The following AMMECR1 variants were observed in gnomAD, a reference collection of about 807,000 sequenced individuals.
The protein encoded by AMMECR1 is nuclear protein AMMECR1.
A neutral mutation model predicts 22.5 loss-of-function variants in AMMECR1; 3 were observed. That is an observed-to-expected ratio of 0.13 (90% confidence interval 0.06 to 0.35). The LOEUF (loss-of-function observed/expected upper bound fraction) is 0.35, where lower values mean the gene tolerates loss of function less well. AMMECR1 is among the 10% of genes least tolerant of loss of function. AMMECR1 has a pLI of 1.00. For missense variants in AMMECR1, 235 were observed against 278.7 expected, an observed-to-expected ratio of 0.84 and a Z score of 1.12; for synonymous variants, 130 against 116.7, an observed-to-expected ratio of 1.11 and a Z score of -0.74.
intron 1 of AMMECR1, among the ~76,000 whole-genome samples, chrX:110,314,760 C>A (rs886535399): frequency 1.2e-4 from 13 of 112,194 alleles, no homozygotes; most frequent in Admixed American, 4.7e-4. Context: ...CTTGCCTGTA[C>A]AATGCTTTCT....
chrX:110,423,184 C>T (rs1354829309), intron 2 of AMMECR1, among the ~76,000 whole-genome samples: 4 of 110,826 alleles, frequency 3.6e-5, no homozygotes, highest in Non-Finnish European at 5.7e-5. Flanking sequence ...AAAAATTAGC[C>T]GGGGGTGGTG....
chrX:110,364,681 T>C (rs1482754630), intron 2 of AMMECR1, among the ~76,000 whole-genome samples: 6 of 111,783 alleles, frequency 5.4e-5, no homozygotes, highest in Non-Finnish European at 9.4e-5. Flanking sequence ...AGCTGATGAA[T>C]GGATCCTGAA....
chrX:110,356,600 T>C (rs1371887566), intron 2 of AMMECR1, among the ~76,000 whole-genome samples: 1 of 111,744 alleles, frequency 8.9e-6, no homozygotes, highest in Non-Finnish European at 1.9e-5. Flanking sequence ...GTGATAGATA[T>C]GTTCATTAGC....
In AMMECR1 at chrX:110,332,543, A is replaced by T. The variant is rs910853756; in HGVS notation, c.-147-14694T>A. Among the ~76,000 whole-genome samples, 8 of 111,936 alleles carry T rather than the reference A, an allele frequency of 7.1e-5. No individual in the cohort carries two copies. In the East Asian group the frequency reaches 8.3e-4, roughly 12 times the overall value. ...GAAATGTAGCAGGGCTTGGGGAAGGATTATGTATTCAAATATTATTTTTAA... is the reference window on the plus strand; with the variant it reads ...GAAATGTAGCAGGGCTTGGGGAAGGTTTATGTATTCAAATATTATTTTTAA... On this transcript the variant is annotated intron_variant, in intron 2 of 7. Coordinates refer to the AMMECR1 transcript ENST00000372057.
chrX:110,387,954 C>T (rs1280051320), intron 2 of AMMECR1, among the ~76,000 whole-genome samples: 8 of 106,947 alleles, frequency 7.5e-5, no homozygotes, highest in Admixed American at 1.0e-4. Context: ...CTCCGCCTCC[C>T]GGGTTCACGC....
At chrX:110,362,799 T>C (rs753521995) in intron 2 of AMMECR1, among the ~76,000 whole-genome samples, 1 of 112,468 alleles carries the variant, frequency 8.9e-6, no homozygotes, top group East Asian at 2.8e-4. Flanking sequence ...CATTATTTTA[T>C]ATAGTCTTCC....
chrX:110,216,694 GCAAA>G, intron 2 of AMMECR1, 62 bp from the exon 3 acceptor site: 1 of 720,932 alleles, frequency 1.4e-6, no homozygotes, highest in Non-Finnish European at 2.1e-6. Context: ...AATTTCAAAT[GCAAA>G]CAATTGTTTG....
At chrX:110,208,437 A>G (rs943872863) in intron 3 of AMMECR1, among the ~76,000 whole-genome samples, 3 of 111,797 alleles carry the variant, frequency 2.7e-5, no homozygotes, top group Non-Finnish European at 5.6e-5. Context: ...CAGATTAGTC[A>G]CCTTTGGCTT....
intron 1 of AMMECR1, among the ~76,000 whole-genome samples, chrX:110,427,799 C>T (rs995589021): frequency 5.4e-5 from 6 of 112,016 alleles, no homozygotes; most frequent in Admixed American, 9.4e-5. Flanking sequence ...AGAATTCAAT[C>T]ACAGGGAGTC....
At chrX:110,334,830 T>C (rs2068134909) in intron 2 of AMMECR1, among the ~76,000 whole-genome samples, 1 of 111,292 alleles carries the variant, frequency 9.0e-6, no homozygotes, top group African/African-American at 3.3e-5. Flanking sequence ...CCACACAGAG[T>C]CAGACCTTGG....
intron 2 of AMMECR1, among the ~76,000 whole-genome samples, chrX:110,410,752 C>T (rs2068636456): frequency 9.0e-6 from 1 of 111,141 alleles, no homozygotes; most frequent in Non-Finnish European, 1.9e-5. Context: ...ATGTAGTCAC[C>T]TGTCGTTTCA....
intron 2 of AMMECR1, among the ~76,000 whole-genome samples, chrX:110,331,352 C>T (rs1388617271): frequency 9.3e-6 from 1 of 107,863 alleles, no homozygotes; most frequent in Non-Finnish European, 1.9e-5. Flanking sequence ...GATAGTTTCA[C>T]ATGGATATCC....
At chrX:110,396,043 C>G (rs993223118) in intron 2 of AMMECR1, among the ~76,000 whole-genome samples, 1 of 111,532 alleles carries the variant, frequency 9.0e-6, no homozygotes, top group African/African-American at 3.3e-5. Context: ...GCCTGATTAT[C>G]TAATATCTAA....
chrX:110,431,416 G>A (rs1603004857), intron 1 of AMMECR1, among the ~76,000 whole-genome samples: 1 of 109,688 alleles, frequency 9.1e-6, no homozygotes, highest in Middle Eastern at 4.6e-3. Flanking sequence ...AGTGGGATTG[G>A]GAGAGAGAGC....
At chrX:110,398,224 A>G (rs1038746690) in intron 2 of AMMECR1, among the ~76,000 whole-genome samples, 1 of 112,330 alleles carries the variant, frequency 8.9e-6, no homozygotes, top group African/African-American at 3.2e-5. Context: ...GCTGTCAGGC[A>G]GGTGAACCCG....
chrX:110,381,369 G>A (rs754250813), intron 2 of AMMECR1, among the ~76,000 whole-genome samples: 5 of 111,772 alleles, frequency 4.5e-5, no homozygotes, highest in Non-Finnish European at 9.4e-5. Flanking sequence ...CAAAACCACA[G>A]TGAGATACCA....
At chrX:110,245,997 C>CT (rs900886241) in intron 2 of AMMECR1, among the ~76,000 whole-genome samples, 7 of 112,379 alleles carry the variant, frequency 6.2e-5, no homozygotes, top group Non-Finnish European at 1.3e-4. Context: ...CATGGCACCT[C>CT]TTCTTATAAA....
intron 3 of AMMECR1, among the ~76,000 whole-genome samples, chrX:110,207,424 C>T (rs2067427005): frequency 9.0e-6 from 1 of 111,372 alleles, no homozygotes; most frequent in African/African-American, 3.3e-5. Flanking sequence ...CGAACTTAGG[C>T]CTACTCCAAG....
intron 2 of AMMECR1, among the ~76,000 whole-genome samples, chrX:110,236,803 A>T (rs1244746305): frequency 8.9e-6 from 1 of 112,355 alleles, no homozygotes; most frequent in East Asian, 2.8e-4. Context: ...GTTCCACTGA[A>T]GTGTGTCTTC....
Sources: allele counts gnomAD v4.1 joint callset (sites outside exome capture counted in the v4.1 genomes callset), GRCh38; gene constraint gnomAD v4.1.1; transcripts MANE v1.5; gene names NCBI Gene and HGNC (gene_info 2026-07-23, HGNC 2026-07-21).